The following PPFIA1 variants were observed in gnomAD, a reference collection of about 807,000 sequenced individuals.
PPFIA1 encodes the protein liprin-alpha-1.
Under a neutral mutation model 149.9 loss-of-function variants are expected in PPFIA1, and 25 were observed. The ratio of observed to expected loss-of-function variants is 0.17; its 90% confidence interval spans 0.12 to 0.23. The LOEUF (loss-of-function observed/expected upper bound fraction) is 0.23. PPFIA1 is among the 10% of genes least tolerant of loss of function. The pLI is 1.00. For synonymous variants in PPFIA1, 549 were observed against 552.8 expected, an observed-to-expected ratio of 0.99 and a Z score of 0.10; for missense variants, 1,362 against 1,506.5, an observed-to-expected ratio of 0.90 and a Z score of 1.59.
intron 2 of PPFIA1, among the ~76,000 whole-genome samples, chr11:70,319,562 G>A (rs955979801): frequency 3.3e-5 from 5 of 152,244 alleles, no homozygotes; most frequent in South Asian, 2.1e-4. Flanking sequence ...TGCTTCCAGC[G>A]ACCTTTCATT....
At chr11:70,286,051 T>C (rs535949228) in intron 2 of PPFIA1, among the ~76,000 whole-genome samples, 43 of 152,292 alleles carry the variant, frequency 2.8e-4, no homozygotes, top group African/African-American at 1.0e-3. Context: ...GAGGTGGTTT[T>C]CCTTGGGAGT....
At chr11:70,356,610 A>C (rs895612703) in intron 19 of PPFIA1, among the ~76,000 whole-genome samples, 2 of 152,172 alleles carry the variant, frequency 1.3e-5, no homozygotes, top group African/African-American at 4.8e-5. Context: ...CTCATCTGTA[A>C]AGTGGGGATC....
chr11:70,276,053 C>G (rs1228014662), intron 2 of PPFIA1, among the ~76,000 whole-genome samples: 1 of 152,140 alleles, frequency 6.6e-6, no homozygotes, highest in East Asian at 1.9e-4. Context: ...CATGGATTTT[C>G]TGCATCTTTT....
chr11:70,342,936 C>CTTTTTTTTTTTTTT (rs71463672), intron 14 of PPFIA1, among the ~76,000 whole-genome samples: 3 of 78,172 alleles, frequency 3.8e-5, no homozygotes, highest in Admixed American at 1.4e-4. Flanking sequence ...AATGTACCAC[C>CTTTTTTTTTTTTTT]TTTTTTTTTT....
intron 15 of PPFIA1, among the ~76,000 whole-genome samples, chr11:70,346,804 A>G (rs1445510005): frequency 1.3e-5 from 2 of 152,220 alleles, no homozygotes; most frequent in South Asian, 2.1e-4. Flanking sequence ...ATAATGATCA[A>G]AAAGCACTTT....
At chr11:70,360,400 G>A (rs2056578357) in intron 19 of PPFIA1, among the ~76,000 whole-genome samples, 1 of 152,272 alleles carries the variant, frequency 6.6e-6, no homozygotes, top group Non-Finnish European at 1.5e-5. Context: ...TGCCAAGGCT[G>A]AGCGTAAGTT....
intron 2 of PPFIA1, among the ~76,000 whole-genome samples, chr11:70,312,266 C>T (rs940728745): frequency 1.3e-5 from 2 of 152,040 alleles, no homozygotes; most frequent in Non-Finnish European, 2.9e-5. Context: ...TCATAGCTCA[C>T]TGCAGCCTTG....
chr11:70,337,687 A>C (rs1323881590), intron 12 of PPFIA1, among the ~76,000 whole-genome samples: 1 of 152,230 alleles, frequency 6.6e-6, no homozygotes, highest in Non-Finnish European at 1.5e-5. Context: ...CATCAATGAC[A>C]GTGCTGTCCA....
In PPFIA1 at chr11:70,338,283, G is replaced by T. The variant is rs750872420; in HGVS notation, c.1492-91G>T. 2.8e-5 allele frequency: 29 copies of T among 1,035,394 alleles called. No individual in the cohort carries two copies. The East Asian group carries it at 4.5e-4, about 16-fold the overall frequency. The allele number at this position is 1,035,394 out of a possible 1,614,324, so 64.1% of individuals were successfully genotyped here. On this transcript the variant is annotated intron_variant, in intron 12 of 27. Coordinates refer to ENST00000253925, the MANE Select transcript of PPFIA1 (RefSeq NM_003626.5). ...TTGTAACTGCTGATTTAACCTGTTA[G>T]GGTTATGCCCAACATCTGAGCACAT... is the stretch of plus-strand genomic sequence containing the variant.
At chr11:70,290,144 C>T (rs575032383) in intron 2 of PPFIA1, among the ~76,000 whole-genome samples, 47 of 152,160 alleles carry the variant, frequency 3.1e-4, no homozygotes, top group African/African-American at 1.1e-3. Context: ...GCACGAGAAT[C>T]GCTTGGGCCT....
intron 2 of PPFIA1, among the ~76,000 whole-genome samples, chr11:70,288,897 T>C (rs1394479987): frequency 1.3e-5 from 2 of 151,554 alleles, no homozygotes; most frequent in African/African-American, 4.8e-5. Flanking sequence ...TTCCCTTTAG[T>C]GGGAAGTGGC....
At chr11:70,289,665 A>G (rs1365140558) in intron 2 of PPFIA1, among the ~76,000 whole-genome samples, 2 of 152,250 alleles carry the variant, frequency 1.3e-5, no homozygotes, top group Non-Finnish European at 2.9e-5. Context: ...TTTATTCTTA[A>G]TTCAGAGTTT....
At chr11:70,366,238 T>C (rs973582310) in intron 21 of PPFIA1, among the ~76,000 whole-genome samples, 1 of 152,228 alleles carries the variant, frequency 6.6e-6, no homozygotes, top group East Asian at 1.9e-4. Flanking sequence ...TGATCTTGTA[T>C]ACAAAGTCTT....
chr11:70,287,095 C>T (rs893852850), intron 2 of PPFIA1, among the ~76,000 whole-genome samples: 2 of 151,650 alleles, frequency 1.3e-5, no homozygotes, highest in African/African-American at 4.9e-5. Flanking sequence ...TCAAGTGATT[C>T]GCCCACCTCA....
At chr11:70,288,966 TG>T (rs542917445) in intron 2 of PPFIA1, among the ~76,000 whole-genome samples, 9 of 144,076 alleles carry the variant, frequency 6.2e-5, no homozygotes, top group Admixed American at 3.5e-4. Context: ...AGCATCTGGT[TG>T]TTTTTTTTTT....
intron 15 of PPFIA1, chr11:70,346,002 G>C (rs1306419545): frequency 2.2e-6 from 1 of 452,806 alleles, no homozygotes; most frequent in Non-Finnish European, 4.4e-6. Context: ...TGAGTGCTCA[G>C]ATTGCAGGTT....
At chr11:70,337,623 A>G (rs1197154451) in intron 12 of PPFIA1, among the ~76,000 whole-genome samples, 196 bp downstream of exon 12, 2 of 152,214 alleles carry the variant, frequency 1.3e-5, no homozygotes, top group Admixed American at 6.5e-5. Context: ...CTGGCTATGC[A>G]TATGGTTCAG....
chr11:70,342,109 G>A (rs1212224240), intron 14 of PPFIA1: 1 of 152,820 alleles, frequency 6.5e-6, no homozygotes, highest in Non-Finnish European at 1.5e-5. Context: ...GCAGGGACTG[G>A]GGAAGGGCCT....
intron 19 of PPFIA1, among the ~76,000 whole-genome samples, chr11:70,361,765 G>A (rs986670082): frequency 1.3e-5 from 2 of 150,400 alleles, no homozygotes; most frequent in South Asian, 2.1e-4. Context: ...ACAGGCATGC[G>A]TCACCATACC....
Sources: gnomAD v4.1 joint callset for allele counts (sites outside exome capture counted in the v4.1 genomes callset) on GRCh38, gnomAD v4.1.1 for gene constraint, MANE v1.5 for transcripts, NCBI Gene and HGNC (gene_info 2026-07-23, HGNC 2026-07-21) for gene names.